The following SLC38A1 variants were observed in gnomAD, a reference collection of about 807,000 sequenced individuals.
SLC38A1 encodes the protein solute carrier family 38 member 1, also known as sodium-coupled neutral amino acid symporter 1.
A neutral mutation model predicts 60.3 loss-of-function variants in SLC38A1; 18 were observed. The ratio of observed to expected loss-of-function variants is 0.30; its 90% CI spans 0.21 to 0.44. The LOEUF (loss-of-function observed/expected upper bound fraction) is 0.44. Ranked by LOEUF, SLC38A1 falls within the 20% of genes least tolerant of loss-of-function variation. The pLI, the probability that SLC38A1 is intolerant of heterozygous loss-of-function variation, is 1.00. For synonymous variants in SLC38A1, 196 were observed against 212.1 expected (o/e 0.92, Z 0.66); for missense variants, 448 against 587.2 (o/e 0.76, Z 2.45).
Position 46,188,953 on chromosome 12 carries a change from CT to C in SLC38A1, c.*16del. ...GACTGAGCAGACAACAGGGATGTTT[CT>C]TTTTCTCGGCGGGTTTCAGTGGCCT... On this transcript the variant is annotated 3_prime_UTR_variant, in exon 17 of 17. Transcript: ENST00000398637. 1 of 1,608,982 alleles carries C rather than the reference CT, an allele frequency of 6.2e-7. No individual in the cohort carries two copies. The highest frequency in any genetic ancestry group is 8.5e-7 in the Non-Finnish European group (1 of 1,176,580).
chr12:46,231,439 A>C (rs1309285556), intron 3 of SLC38A1, among the ~76,000 whole-genome samples: 1 of 152,238 alleles, frequency 6.6e-6, no homozygotes, highest in Non-Finnish European at 1.5e-5. Flanking sequence ...AAAATAAAAA[A>C]TTAAATGAAA....
At chr12:46,249,347 G>T (rs1051559829) in intron 1 of SLC38A1, among the ~76,000 whole-genome samples, 1 of 152,004 alleles carries the variant, frequency 6.6e-6, no homozygotes, top group African/African-American at 2.4e-5. Context: ...TGTGTAGAGG[G>T]AAATTTATAG....
intron 5 of SLC38A1, among the ~76,000 whole-genome samples, chr12:46,222,804 C>G (rs1352890906): frequency 6.6e-6 from 1 of 152,086 alleles, no homozygotes; most frequent in Non-Finnish European, 1.5e-5. Flanking sequence ...AAATATGAAG[C>G]CACTGAGAGG....
intron 16 of SLC38A1, 129 bp downstream of exon 16, chr12:46,197,591 A>C (rs1250958637): frequency 1.5e-6 from 1 of 687,226 alleles, no homozygotes; most frequent in Non-Finnish European, 2.6e-6. Flanking sequence ...CCCAAGTAGC[A>C]AAGCTACAGG....
At position 46,202,993 on chromosome 12, in the gene SLC38A1, T is replaced by G; in HGVS notation, c.902+17A>C. Reference sequence around the variant, plus strand: ...GATGTAAAACGATTAAGATAAAAAATTAAACAAATTTCTTACTCTTTAAGC... The same window carrying G: ...GATGTAAAACGATTAAGATAAAAAAGTAAACAAATTTCTTACTCTTTAAGC... On this transcript the variant is annotated intron_variant, in intron 12 of 16. Transcript: ENST00000398637. The G allele has an allele frequency of 1.2e-6, 2 of 1,601,830 alleles. No homozygotes were observed.
At chr12:46,239,549 G>C (rs1941371999) in intron 3 of SLC38A1, 130 bp downstream of exon 3, 1 of 969,792 alleles carries the variant, frequency 1.0e-6, no homozygotes, top group African/African-American at 1.6e-5. Flanking sequence ...CACCATGTTG[G>C]TCAGGCTGGT....
intron 5 of SLC38A1, among the ~76,000 whole-genome samples, chr12:46,223,753 C>G (rs1940754921): frequency 6.6e-6 from 1 of 152,202 alleles, no homozygotes; most frequent in African/African-American, 2.4e-5. Context: ...TAATAATAAA[C>G]TGATATCTCA....
chr12:46,229,572 C>T lies in SLC38A1; in HGVS notation c.190G>A (p.Asp64Asn). Reference protein sequence around the residue: ...TNSHLEKKKCDEYIPGTTSLG... With the variant: ...TNSHLEKKKCNEYIPGTTSLG... Reference sequence around the variant, plus strand: ...ATTATAATGATACTTACATACTCATCACACTTCTTTTTTTCCAAATGGCTG... The same window carrying T: ...ATTATAATGATACTTACATACTCATTACACTTCTTTTTTTCCAAATGGCTG... The change falls in exon 4 of 17, where the codon GAT becomes AAT. Residue 64 changes from aspartate (D) to asparagine (N), a missense_variant. By Grantham distance (23) the Asp-to-Asn change is conservative. Around this residue, in one of 2 missense-constraint regions of SLC38A1, gnomAD observed 102 missense variants for 89.7 expected, o/e 1.14. Transcript: ENST00000398637. 1 of 1,610,550 alleles carries T rather than the reference C, an allele frequency of 6.2e-7. No individual in the cohort carries two copies. Among genetic ancestry groups the T allele is most frequent in the Non-Finnish European group, 8.5e-7 (1 of 1,176,990 alleles).
In SLC38A1 at chr12:46,198,757, A is replaced by G; in HGVS notation, c.1004-14T>C. 6.5e-7 allele frequency: 1 copy of G among 1,534,588 alleles called. No homozygotes were observed. On this transcript the variant is annotated splice_polypyrimidine_tract_variant and intron_variant, in intron 13 of 16. Transcript: ENST00000398637. ...ACTGCACGTTGTCTAAAATGAGGGA[A>G]AAGCAAGAGGGTTTTAAAAGGAGAC...
At chr12:46,217,563 T>G (rs1279886279) in intron 5 of SLC38A1, among the ~76,000 whole-genome samples, 1 of 152,198 alleles carries the variant, frequency 6.6e-6, no homozygotes, top group East Asian at 1.9e-4. Context: ...TTTTAACCCC[T>G]TTTTAGGGGA....
chr12:46,229,906 C>T (rs555366610), intron 3 of SLC38A1, among the ~76,000 whole-genome samples: 1 of 152,272 alleles, frequency 6.6e-6, no homozygotes, highest in East Asian at 1.9e-4. Flanking sequence ...CTGCACTCTA[C>T]CTTGTACAAA....
rs1254144994 is a variant in SLC38A1, at chr12:46,189,047, C to A, written c.1387G>T (p.Val463Leu). The A allele has an allele frequency of 6.2e-7, 1 of 1,613,522 alleles. No homozygotes were observed. The highest frequency in any genetic ancestry group is 1.1e-5 in the South Asian group (1 of 91,040). The change falls in exon 17 of 17, where the codon GTG (valine) becomes TTG (leucine). Residue 463 changes from valine (V) to leucine (L), a missense_variant. Transcript: ENST00000398637. ...GGAATGCTGACCAAGGAGAACAACA[C>A]CCCCAGGCCCAAGAAAAGGGCAGCC... is the stretch of plus-strand genomic sequence containing the variant. ...IWAALFLGLG[V>L]LFSLVSIPLV...
At chr12:46,207,725 G>A in intron 6 of SLC38A1, 104 bp from the exon 7 acceptor site, 4 of 1,102,964 alleles carry the variant, frequency 3.6e-6, no homozygotes, top group Non-Finnish European at 4.1e-6. Flanking sequence ...GTTACTATGT[G>A]CCTTTCTCAA....
At chr12:46,195,990 C>T (rs1164935841) in intron 16 of SLC38A1, 2 of 664,372 alleles carry the variant, frequency 3.0e-6, no homozygotes, top group Admixed American at 2.5e-5. Flanking sequence ...TGAGATGAAC[C>T]AGGTACCTCA....
rs1939789029 is a variant in SLC38A1, at chr12:46,204,221, C to T, written c.822+80G>A. On this transcript the variant is annotated intron_variant, in intron 11 of 16. Coordinates refer to ENST00000398637, the MANE Select transcript of SLC38A1 (RefSeq NM_030674.4). ...TCTTTTGAGAACTAATACATTCAAA[C>T]CAGTGCAATTACAAGCATGAGAAAT... is the stretch of plus-strand genomic sequence containing the variant. 7.5e-5 allele frequency: 66 copies of T among 879,690 alleles called. No homozygotes were observed. In the South Asian group the frequency reaches 9.0e-4, roughly 12 times the overall value. 54.5% of individuals were successfully genotyped at this position (879,690 alleles called of 1,614,324 possible).
At chr12:46,254,080 A>G (rs561596966) in intron 1 of SLC38A1, among the ~76,000 whole-genome samples, 1 of 152,170 alleles carries the variant, frequency 6.6e-6, no homozygotes, top group Non-Finnish European at 1.5e-5. Flanking sequence ...CAAAATAAGT[A>G]AAAATTATCT....
intron 1 of SLC38A1, among the ~76,000 whole-genome samples, chr12:46,246,677 A>G (rs1565789761): frequency 6.6e-6 from 1 of 152,192 alleles, no homozygotes; most frequent in Non-Finnish European, 1.5e-5. Flanking sequence ...ATGATGTTTG[A>G]GCTCTGAGAA....
At chr12:46,256,841 A>G (rs1942046889) in intron 1 of SLC38A1, among the ~76,000 whole-genome samples, 1 of 152,218 alleles carries the variant, frequency 6.6e-6, no homozygotes, top group Non-Finnish European at 1.5e-5. Context: ...CATAGACATT[A>G]CCACTGTGCT....
chr12:46,250,667 A>T (rs982510635), intron 1 of SLC38A1, among the ~76,000 whole-genome samples: 5 of 152,214 alleles, frequency 3.3e-5, no homozygotes, highest in African/African-American at 1.2e-4. Flanking sequence ...AATGTGCAAA[A>T]ATCACAACCA....
Sources: gnomAD v4.1 joint callset for allele counts (sites outside exome capture counted in the v4.1 genomes callset) on GRCh38, gnomAD v4.1.1 for gene constraint, gnomAD v4.1.1 regional missense constraint, MANE v1.5 for transcripts, NCBI Gene and HGNC (gene_info 2026-07-23, HGNC 2026-07-21) for gene names.